Variants in DSC1 observed in about 807,000 individuals in gnomAD.
DSC1 encodes desmocollin-1.
Under a neutral mutation model 98.8 loss-of-function variants are expected in DSC1, and 79 were observed. The ratio of observed to expected loss-of-function variants is 0.80; its 90% CI spans 0.67 to 0.96. The LOEUF (loss-of-function observed/expected upper bound fraction) is 0.96, where lower values mean the gene tolerates loss of function less well. DSC1 is among the 50% of genes least tolerant of loss of function. The pLI is 0.00. For synonymous variants in DSC1, 405 were observed against 372.1 expected, an observed-to-expected ratio of 1.09 and a Z score of -1.02; for missense variants, 1,115 against 1,075.9, an observed-to-expected ratio of 1.04 and a Z score of -0.51.
chr18:31,131,874 T>C (rs781250932), intron 14 of DSC1, 32 bp from the exon 15 acceptor site: 2 of 1,606,658 alleles, frequency 1.2e-6, no homozygotes, highest in Non-Finnish European at 1.7e-6. Context: ...TAAAGTGAAT[T>C]TGAAAAATGG....
intron 8 of DSC1, among the ~76,000 whole-genome samples, chr18:31,143,180 T>G (rs1162408086): frequency 6.6e-6 from 1 of 151,830 alleles, no homozygotes; most frequent in Non-Finnish European, 1.5e-5. Flanking sequence ...GTTTACCGCC[T>G]AAGGAAAAGT....
intron 7 of DSC1, 141 bp downstream of exon 7, chr18:31,145,470 A>T (rs558703329): frequency 5.0e-6 from 4 of 798,636 alleles, no homozygotes; most frequent in Non-Finnish European, 5.9e-6. Context: ...GACCGAGGAC[A>T]TCTCCAGAGA....
At position 31,162,680 on chromosome 18, in the gene DSC1, T is replaced by C. The variant is rs1447406181; in HGVS notation, c.-86A>G. 8.4e-7 allele frequency: 1 copy of C among 1,190,148 alleles called. No individual in the cohort carries two copies. Among genetic ancestry groups the C allele is most frequent in the Non-Finnish European group, 1.2e-6 (1 of 800,862 alleles). 73.7% of individuals were successfully genotyped at this position (1,190,148 alleles called of 1,614,324 possible). On this transcript the variant is annotated 5_prime_UTR_variant, in exon 1 of 16. Coordinates refer to ENST00000257198, the MANE Select transcript of DSC1 (RefSeq NM_024421.2). ...GAGCGGCTAAGAAGACGCTGGCACT[T>C]GCACAGGGTATTCTGCTGCCACCTT...
At chr18:31,162,446 A>C in intron 1 of DSC1, 86 bp downstream of exon 1, 1 of 1,261,468 alleles carries the variant, frequency 7.9e-7, no homozygotes. Flanking sequence ...TCCCATCCTC[A>C]CTCCTAGTCT....
At chr18:31,138,767 A>G (rs1368834069) in intron 11 of DSC1, among the ~76,000 whole-genome samples, 1 of 151,162 alleles carries the variant, frequency 6.6e-6, no homozygotes, top group Non-Finnish European at 1.5e-5. Flanking sequence ...AAAAAAACCC[A>G]TAGCATTGTA....
intron 12 of DSC1, 55 bp from the exon 13 acceptor site, chr18:31,134,185 A>G: frequency 6.4e-7 from 1 of 1,562,674 alleles, no homozygotes; most frequent in East Asian, 2.3e-5. Context: ...TGGCAGTATT[A>G]TTCCTACTCA....
intron 6 of DSC1, among the ~76,000 whole-genome samples, chr18:31,146,835 G>A (rs1988856372): frequency 6.6e-6 from 1 of 152,084 alleles, no homozygotes; most frequent in Non-Finnish European, 1.5e-5. Context: ...AATATTTTAT[G>A]CTTTGTACTT....
chr18:31,152,161 CAAAAAAACAACAA>C (rs1989012819), intron 5 of DSC1, among the ~76,000 whole-genome samples: 1 of 133,020 alleles, frequency 7.5e-6, no homozygotes, highest in South Asian at 2.3e-4. Context: ...CACCCTATAT[CAAAAAAACAACAA>C]AAAAAAACAA....
chr18:31,144,584 G>A (rs977017303), intron 7 of DSC1, among the ~76,000 whole-genome samples: 1 of 152,144 alleles, frequency 6.6e-6, no homozygotes, highest in South Asian at 2.1e-4. Flanking sequence ...AAATATCAGT[G>A]GTTGCCAGGA....
intron 2 of DSC1, among the ~76,000 whole-genome samples, chr18:31,159,243 C>CG (rs1428579547): frequency 2.8e-5 from 4 of 142,660 alleles, no homozygotes; most frequent in Non-Finnish European, 6.1e-5. Flanking sequence ...TTAGTAGAGA[C>CG]GGGGTTTCAC....
At chr18:31,142,470 C>G (rs914068661) in intron 8 of DSC1, among the ~76,000 whole-genome samples, 1 of 152,062 alleles carries the variant, frequency 6.6e-6, no homozygotes, top group Admixed American at 6.5e-5. Context: ...CTTCTCTGCA[C>G]CTCTACAATA....
In DSC1 at chr18:31,156,051, C is replaced by G; in HGVS notation, c.463G>C (p.Val155Leu). Residue 155 changes from valine (V) to leucine (L), a missense_variant, in exon 4 of 16, where the codon GTT becomes CTT. By Grantham distance (32) the Val-to-Leu change is conservative. Coordinates refer to ENST00000257198, the MANE Select transcript of DSC1 (RefSeq NM_024421.2). ...AAATAAGTGAAATGCACCTGCTGAACGTGTTGTGGAAATGGACCCAACGAG... is the reference window on the plus strand; with the variant it reads ...AAATAAGTGAAATGCACCTGCTGAAGGTGTTGTGGAAATGGACCCAACGAG... ...ENSLGPFPQH[V>L]QQIQSDAAQN... 8.1e-6 allele frequency: 13 copies of G among 1,612,246 alleles called. No homozygotes were observed. Among genetic ancestry groups the G allele is most frequent in the Non-Finnish European group, 1.1e-5 (13 of 1,179,602 alleles).
At chr18:31,152,746 A>G (rs1209212752) in intron 5 of DSC1, among the ~76,000 whole-genome samples, 3 of 152,114 alleles carry the variant, frequency 2.0e-5, no homozygotes, top group Admixed American at 2.0e-4. Context: ...CTTAGGATCT[A>G]CCAATTCCCA....
chr18:31,154,895 A>G lies in DSC1; in HGVS notation c.506T>C (p.Phe169Ser). 1 of 1,614,064 alleles carries G rather than the reference A, an allele frequency of 6.2e-7. No homozygotes were observed. The change falls in exon 5 of 16, where the codon TTT (phenylalanine) becomes TCT (serine). Residue 169 changes from phenylalanine (F) to serine (S), a missense_variant. Transcript: ENST00000257198. ...QSDAAQNYTI[F>S]YSISGPGVDK... ...CACGCCTGGCCCACTTATGGAATAA[A>G]AGATGGTGTAATTCTGTGCAGCATC...
chr18:31,159,142 C>T (rs113108892), intron 2 of DSC1, among the ~76,000 whole-genome samples: 1,482 of 65,358 alleles, frequency 0.023, 77 homozygotes, highest in African/African-American at 0.074. Context: ...CAAGCTCCGC[C>T]TCTTGGGTTC....
At chr18:31,144,460 G>A (rs1328369583) in intron 7 of DSC1, among the ~76,000 whole-genome samples, 3 of 152,038 alleles carry the variant, frequency 2.0e-5, no homozygotes, top group African/African-American at 7.2e-5. Flanking sequence ...AAAAAGACAT[G>A]AAAGAAATTT....
In DSC1 at chr18:31,129,754, T is replaced by C. The variant is rs570280544; in HGVS notation, c.*760A>G. 84 of 152,326 alleles carry C rather than the reference T, an allele frequency of 5.5e-4. No homozygotes were observed. The highest frequency in any genetic ancestry group is 1.9e-3 in the African/African-American group (80 of 41,576). The allele number at this position is 152,326 out of a possible 1,614,324, so 9.4% of individuals were successfully genotyped here. On this transcript the variant is annotated 3_prime_UTR_variant, in exon 16 of 16. Transcript: ENST00000257198. ...ATATTTGTGAGCATAAGTCAACCCA[T>C]GGACCTCAGGGCTGCAATTCTTTCA...
chr18:31,157,306 A>G (rs1989116644), intron 3 of DSC1, 65 bp downstream of exon 3: 7 of 1,509,638 alleles, frequency 4.6e-6, no homozygotes, highest in East Asian at 4.5e-5. Context: ...GTTAAAACAC[A>G]TGAAACACGA....
intron 2 of DSC1, 97 bp downstream of exon 2, chr18:31,159,348 C>G: frequency 7.9e-7 from 1 of 1,260,170 alleles, no homozygotes; most frequent in Non-Finnish European, 1.1e-6. Context: ...CCACCGCGCC[C>G]GGCCTACTAT....
Sources: allele counts gnomAD v4.1 joint callset (sites outside exome capture counted in the v4.1 genomes callset), GRCh38; gene constraint gnomAD v4.1.1; transcripts MANE v1.5; gene names NCBI Gene and HGNC (gene_info 2026-07-23, HGNC 2026-07-21).